The following USP4 variants were observed in gnomAD, a reference collection of about 807,000 sequenced individuals.
USP4 encodes the protein ubiquitin specific peptidase 4, also known as ubiquitin carboxyl-terminal hydrolase 4.
In USP4, 72 loss-of-function variants were observed where a neutral mutation model predicts 118.2. That is an observed-to-expected ratio of 0.61 (90% CI 0.50 to 0.74). The LOEUF (loss-of-function observed/expected upper bound fraction) is 0.74, where lower values mean the gene tolerates loss of function less well. USP4 is among the 30% of genes least tolerant of loss of function. The pLI, the probability that USP4 is intolerant of heterozygous loss-of-function variation, is 0.00. For synonymous variants in USP4, 415 were observed against 440.4 expected, an observed-to-expected ratio of 0.94 and a Z score of 0.72; for missense variants, 1,037 against 1,185.7, an observed-to-expected ratio of 0.87 and a Z score of 1.84.
intron 1 of USP4, among the ~76,000 whole-genome samples, chr3:49,337,187 A>G (rs1443420020): frequency 6.6e-6 from 1 of 152,128 alleles, no homozygotes; most frequent in Non-Finnish European, 1.5e-5. Context: ...CTGAGGCACA[A>G]GAATCACTTG....
Position 49,325,024 on chromosome 3 carries a change from T to G in USP4, c.503A>C (p.Glu168Ala), listed in dbSNP as rs1217866861. 3 of 1,613,478 alleles carry G rather than the reference T, an allele frequency of 1.9e-6. No individual in the cohort carries two copies. Among genetic ancestry groups the G allele is most frequent in the Non-Finnish European group, 2.5e-6 (3 of 1,179,838 alleles). The change falls in exon 5 of 22, where the codon GAG (glutamate) becomes GCG (alanine). Residue 168 changes from glutamate to alanine, a missense_variant. Glu to Ala is a moderately radical substitution (Grantham distance 107). Around this residue, in one of 3 missense-constraint regions of USP4, gnomAD observed 487 missense variants for 534.1 expected, o/e 0.91. Coordinates refer to ENST00000265560, the MANE Select transcript of USP4 (RefSeq NM_003363.4). ...KADTIATIEK[E>A]MRKLFNIPAE... ...AGGGATGTTGAATAGCTTCCGCATC[T>G]CTTTCTCGATGGTTGCTAGGAACAG...
intron 11 of USP4, among the ~76,000 whole-genome samples, chr3:49,299,687 C>T (rs4554002): frequency 0.56 from 84,315 of 151,792 alleles, 24,681 homozygotes; most frequent in East Asian, 0.95. Context: ...CCACCGCGCC[C>T]GGCCCTCAAC....
At chr3:49,339,429 A>C (rs755252366) in intron 1 of USP4, among the ~76,000 whole-genome samples, 1 of 152,216 alleles carries the variant, frequency 6.6e-6, no homozygotes, top group Non-Finnish European at 1.5e-5. Context: ...CTACCAAAAT[A>C]ATCGGGGTTC....
At chr3:49,287,328 G>A (rs1001092836) in intron 15 of USP4, among the ~76,000 whole-genome samples, 2 of 151,316 alleles carry the variant, frequency 1.3e-5, no homozygotes, top group African/African-American at 4.9e-5. Context: ...CTACTTTTTT[G>A]TATTTTTAGT....
intron 6 of USP4, among the ~76,000 whole-genome samples, chr3:49,315,045 C>T (rs535961080): frequency 1.1e-4 from 16 of 151,216 alleles, no homozygotes; most frequent in African/African-American, 3.9e-4. Flanking sequence ...AAAAAGAAAC[C>T]AAATTAAGGG....
At chr3:49,313,341 A>T (rs2047405569) in intron 6 of USP4, among the ~76,000 whole-genome samples, 1 of 152,040 alleles carries the variant, frequency 6.6e-6, no homozygotes, top group Non-Finnish European at 1.5e-5. Flanking sequence ...AGCCTTACCA[A>T]CGTGGTGGAA....
intron 9 of USP4, among the ~76,000 whole-genome samples, chr3:49,303,182 T>C (rs1482166269): frequency 6.6e-6 from 1 of 152,142 alleles, no homozygotes; most frequent in Non-Finnish European, 1.5e-5. Flanking sequence ...GGCTCATGCC[T>C]ATGATCCCAG....
In USP4 at chr3:49,340,042, C is replaced by T; in HGVS notation, c.-18G>A. 3 of 1,599,744 alleles carry T rather than the reference C, an allele frequency of 1.9e-6. No homozygotes were observed. The highest frequency in any genetic ancestry group is 2.5e-6 in the Non-Finnish European group (3 of 1,177,586). ...TCCGCCATCTCCTCCGCGGCCCCGG[C>T]CCAGCCGGCCCGGACATCCGCCCCG... is the stretch of plus-strand genomic sequence containing the variant. On this transcript the variant is annotated 5_prime_UTR_variant, in exon 1 of 22. Transcript: ENST00000265560.
intron 20 of USP4, 41 bp downstream of exon 20, chr3:49,280,703 A>G: frequency 6.5e-7 from 1 of 1,543,952 alleles, no homozygotes; most frequent in Non-Finnish European, 9.0e-7. Flanking sequence ...ATGGCCGAGC[A>G]CATTTCAACA....
chr3:49,321,800 C>G (rs1260247729), intron 6 of USP4, among the ~76,000 whole-genome samples: 1 of 151,994 alleles, frequency 6.6e-6, no homozygotes, highest in Non-Finnish European at 1.5e-5. Context: ...TCGAGACCAG[C>G]CTGGCCAACA....
chr3:49,318,531 T>C, intron 6 of USP4: 1 of 985,412 alleles, frequency 1.0e-6, no homozygotes, highest in Non-Finnish European at 1.2e-6. Flanking sequence ...TTAAGTTAGC[T>C]GGAGCAATTC....
At chr3:49,301,649 T>C (rs1380250764) in intron 10 of USP4, among the ~76,000 whole-genome samples, 1 of 151,866 alleles carries the variant, frequency 6.6e-6, no homozygotes, top group Non-Finnish European at 1.5e-5. Flanking sequence ...GATCACGTCA[T>C]TGCACTCCAG....
chr3:49,288,707 C>G (rs1480861498), intron 15 of USP4, among the ~76,000 whole-genome samples: 2 of 151,838 alleles, frequency 1.3e-5, no homozygotes, highest in African/African-American at 2.4e-5. Context: ...AAAGAAAAAG[C>G]AGGATCCACT....
chr3:49,287,132 G>A (rs547406440), intron 15 of USP4, among the ~76,000 whole-genome samples: 4 of 152,114 alleles, frequency 2.6e-5, no homozygotes, highest in South Asian at 4.1e-4. Context: ...GATTACAGAC[G>A]TGAGCCACTG....
intron 6 of USP4, among the ~76,000 whole-genome samples, chr3:49,315,736 A>G (rs1329035515): frequency 6.6e-6 from 1 of 152,058 alleles, no homozygotes; most frequent in Admixed American, 6.6e-5. Flanking sequence ...TTACAACTCA[A>G]ACGTGTGCCT....
chr3:49,302,946 T>C (rs1004359670), intron 9 of USP4, among the ~76,000 whole-genome samples: 1 of 152,142 alleles, frequency 6.6e-6, no homozygotes, highest in African/African-American at 2.4e-5. Flanking sequence ...AGCCCTCAGG[T>C]CCCTAAATAC....
chr3:49,319,360 T>C (rs1342652187), intron 6 of USP4, among the ~76,000 whole-genome samples: 1 of 151,768 alleles, frequency 6.6e-6, no homozygotes, highest in African/African-American at 2.4e-5. Context: ...GAGATTCTCC[T>C]GCCTCAGCCT....
intron 19 of USP4, among the ~76,000 whole-genome samples, chr3:49,281,491 T>TACGCAC (rs1553622702): frequency 7.9e-6 from 1 of 126,498 alleles, no homozygotes; most frequent in Non-Finnish European, 1.6e-5. Context: ...TATATATATA[T>TACGCAC]ACACACACAC....
chr3:49,281,490 A>G (rs1191667401), intron 19 of USP4, among the ~76,000 whole-genome samples: 3 of 116,386 alleles, frequency 2.6e-5, no homozygotes, highest in African/African-American at 9.5e-5. Flanking sequence ...ATATATATAT[A>G]TACACACACA....
Sources: allele counts gnomAD v4.1 joint callset (sites outside exome capture counted in the v4.1 genomes callset), GRCh38; gene constraint gnomAD v4.1.1; regional missense constraint gnomAD v4.1.1; transcripts MANE v1.5; gene names NCBI Gene and HGNC (gene_info 2026-07-23, HGNC 2026-07-21).